Variants in TNRC18 observed in about 807,000 individuals in gnomAD.
TNRC18 encodes the protein trinucleotide repeat-containing gene 18 protein.
In TNRC18, 69 loss-of-function variants were observed where a neutral mutation model predicts 226.7. The observed-to-expected ratio is 0.30, with a 90% CI of 0.25 to 0.37. TNRC18 has a LOEUF of 0.37. TNRC18 is among the 10% of genes least tolerant of loss of function. TNRC18 has a pLI of 1.00. For missense variants in TNRC18, 4,754 were observed against 4,256.6 expected (o/e 1.12, Z -3.25); for synonymous variants, 2,449 against 1,927.6 (o/e 1.27, Z -7.09).
chr7:5,337,105 T>C (rs186449712), intron 18 of TNRC18, among the ~76,000 whole-genome samples: 2 of 152,032 alleles, frequency 1.3e-5, no homozygotes, highest in African/African-American at 2.4e-5. Flanking sequence ...CTGACAAAGA[T>C]AAACACGAAC....
chr7:5,333,998 G>T (rs1789828134), intron 18 of TNRC18, among the ~76,000 whole-genome samples: 1 of 152,202 alleles, frequency 6.6e-6, no homozygotes, highest in African/African-American at 2.4e-5. Flanking sequence ...GAGTGTGAGT[G>T]AGGCGTAGAT....
rs1779110676 is a variant in TNRC18 at position 5,377,832 on chromosome 7, G to T, written c.2255+90C>A. The T allele has an allele frequency of 2.2e-6, 3 of 1,336,584 alleles. No homozygotes were observed. The highest frequency in any genetic ancestry group is 2.1e-6 in the Non-Finnish European group (2 of 947,650). The allele number at this position is 1,336,584 out of a possible 1,614,324, so 82.8% of individuals were successfully genotyped here. On this transcript the variant is annotated intron_variant, in intron 6 of 29. Coordinates refer to ENST00000430969, the MANE Select transcript of TNRC18 (RefSeq NM_001080495.3). This position sits in a 1 kb window ranked among gnomAD's most constrained non-coding sequence, Gnocchi z 5.8. ...GTACCATAGCATCCATGGTCGAGGG[G>T]CCAAGCCCACCTGGGGTCATCCAGC...
chr7:5,311,631 C>A (rs1787219512), intron 27 of TNRC18, among the ~76,000 whole-genome samples: 1 of 152,000 alleles, frequency 6.6e-6, no homozygotes, highest in South Asian at 2.1e-4. Flanking sequence ...CCAAGCAACA[C>A]AGTGAGACAC....
At chr7:5,402,955 T>TTCTCTA (rs1781213275) in intron 2 of TNRC18, among the ~76,000 whole-genome samples, 1 of 152,078 alleles carries the variant, frequency 6.6e-6, no homozygotes, top group Admixed American at 6.6e-5. Context: ...TGGGACCTGC[T>TTCTCTA]TCTCTACCCT....
chr7:5,374,424 C>G lies in TNRC18; in HGVS notation c.2860G>C (p.Gly954Arg). The change falls in exon 10 of 30, where the codon GGC (glycine) becomes CGC (arginine). Residue 954 changes from glycine to arginine, a missense_variant. Coordinates refer to ENST00000430969, the MANE Select transcript of TNRC18 (RefSeq NM_001080495.3). ...CCAGCCTTGCCCGCAGCCTCCAGGC[C>G]CCGCTTGCTCCCCTTCTCTTCCATC... The part of the protein sequence containing the change: ...AEMEEKGSKR[G>R]LEAAGKAGLA... 6.5e-7 allele frequency: 1 copy of G among 1,543,458 alleles called. No individual in the cohort carries two copies. Among genetic ancestry groups the G allele is most frequent in the Non-Finnish European group, 8.7e-7 (1 of 1,144,218 alleles).
chr7:5,394,786 A>C lies in TNRC18; in HGVS notation c.188-191T>G, dbSNP rs1261234977. Among the ~76,000 whole-genome samples the C allele has an allele frequency of 6.6e-6, 1 of 151,960 alleles. No homozygotes were observed. Among genetic ancestry groups the C allele is most frequent in the Non-Finnish European group, 1.5e-5 (1 of 67,972 alleles). On this transcript the variant is annotated intron_variant, in intron 2 of 29. Transcript: ENST00000430969. The surrounding 1 kb of genome is among the most constrained non-coding windows in gnomAD (Gnocchi z 4.5). ...CTGGGCTGCAAGATGGTCCTGGATC[A>C]ACCCAACCAGACCCAGGGCTTGAGA...
intron 5 of TNRC18, among the ~76,000 whole-genome samples, chr7:5,379,752 A>C (rs1779267795): frequency 6.6e-6 from 1 of 152,226 alleles, no homozygotes; most frequent in East Asian, 1.9e-4. Context: ...GGCAGAGGCT[A>C]CCAGGTGTGC....
intron 12 of TNRC18, among the ~76,000 whole-genome samples, 177 bp downstream of exon 12, chr7:5,362,473 G>A (rs528690776): frequency 4.9e-4 from 74 of 152,206 alleles, no homozygotes; most frequent in African/African-American, 7.9e-4. Flanking sequence ...CTGAGTCCCC[G>A]AGAAGGGCAA....
intron 2 of TNRC18, among the ~76,000 whole-genome samples, chr7:5,418,998 A>T (rs975056549): frequency 3.3e-5 from 5 of 152,182 alleles, no homozygotes; most frequent in Non-Finnish European, 5.9e-5. Context: ...ACGGGGTTCA[A>T]GGGGGCGGCA....
intron 2 of TNRC18, among the ~76,000 whole-genome samples, chr7:5,405,487 T>C (rs1241894344): frequency 6.6e-6 from 1 of 152,090 alleles, no homozygotes; most frequent in Non-Finnish European, 1.5e-5. Flanking sequence ...GAGAATCCCT[T>C]GAACCCGGGA....
In TNRC18 at chr7:5,358,619, GC is replaced by G. The variant is rs572938969; in HGVS notation, c.4833+778del. 1.7e-3 allele frequency among the ~76,000 whole-genome samples: 258 copies of G among 152,272 alleles called. 4 individuals are homozygous for G. In the South Asian group the frequency reaches 0.019, roughly 11 times the overall value. On this transcript the variant is annotated intron_variant, in intron 15 of 29. Transcript: ENST00000430969. Reference sequence around the variant, plus strand: ...ACCTGAGGTCAGGAGTTCGAGGCCAGCCTGGCCAAGATGGTGAAACCCCATC... The same window carrying G: ...ACCTGAGGTCAGGAGTTCGAGGCCAGCTGGCCAAGATGGTGAAACCCCATC...
At position 5,342,473 on chromosome 7, in the gene TNRC18, G is replaced by A. The variant is rs1017100291; in HGVS notation, c.5719+3089C>T. Among the ~76,000 whole-genome samples the A allele has an allele frequency of 4.0e-5, 6 of 151,878 alleles. No individual in the cohort carries two copies. The East Asian group carries it at 5.8e-4, about 15-fold the overall frequency. On this transcript the variant is annotated intron_variant, in intron 18 of 29. Coordinates refer to ENST00000430969, the MANE Select transcript of TNRC18 (RefSeq NM_001080495.3). Reference sequence around the variant, plus strand: ...AAAAGAAGTTGATTCCAACCCTCGCGGACAACTATGAAAGGCTCAAGACTT... The same window carrying A: ...AAAAGAAGTTGATTCCAACCCTCGCAGACAACTATGAAAGGCTCAAGACTT...
At chr7:5,414,634 G>C (rs1047111555) in intron 2 of TNRC18, among the ~76,000 whole-genome samples, 2 of 151,846 alleles carry the variant, frequency 1.3e-5, no homozygotes, top group African/African-American at 4.8e-5. Flanking sequence ...GGATGGTCTC[G>C]ATCTCCTGAC....
At chr7:5,396,775 G>A (rs927608187) in intron 2 of TNRC18, among the ~76,000 whole-genome samples, 4 of 152,096 alleles carry the variant, frequency 2.6e-5, no homozygotes, top group African/African-American at 7.2e-5. Context: ...TAAGTTATGT[G>A]GCTTTGCAGG....
intron 18 of TNRC18, 45 bp downstream of exon 18, chr7:5,345,517 G>GGGGGGGGGGGGGCCCCCCCCCCCCC: frequency 2.6e-6 from 1 of 377,744 alleles, no homozygotes. Flanking sequence ...AATGGCGTCC[G>GGGGGGGGGGGGGCCCCCCCCCCCCC]CCCCTCCCAC....
At chr7:5,345,048 A>T (rs1260055575) in intron 18 of TNRC18, among the ~76,000 whole-genome samples, 1 of 152,150 alleles carries the variant, frequency 6.6e-6, no homozygotes, top group Non-Finnish European at 1.5e-5. Context: ...AGCCCAGGCC[A>T]CATGAGGCCT....
At chr7:5,348,987 G>T (rs1185661853) in intron 17 of TNRC18, among the ~76,000 whole-genome samples, 12 of 152,242 alleles carry the variant, frequency 7.9e-5, no homozygotes, top group Middle Eastern at 6.8e-3. Context: ...TGGGGGCAGG[G>T]GGTTGGACGT....
At chr7:5,397,444 A>G (rs1780773165) in intron 2 of TNRC18, among the ~76,000 whole-genome samples, 1 of 152,128 alleles carries the variant, frequency 6.6e-6, no homozygotes, top group South Asian at 2.1e-4. Flanking sequence ...ACAGGGCTCA[A>G]TGGCACCCAA....
chr7:5,339,728 T>A (rs992973237), intron 18 of TNRC18, among the ~76,000 whole-genome samples: 1 of 151,362 alleles, frequency 6.6e-6, no homozygotes, highest in African/African-American at 2.4e-5. Flanking sequence ...CGCCACCACA[T>A]CTGGATAATT....
Sources: allele counts gnomAD v4.1 joint callset (sites outside exome capture counted in the v4.1 genomes callset), GRCh38; gene constraint gnomAD v4.1.1; non-coding constraint Gnocchi (gnomAD v3.1); transcripts MANE v1.5; gene names NCBI Gene and HGNC (gene_info 2026-07-23, HGNC 2026-07-21).